Variants in THSD4 observed in about 807,000 individuals in gnomAD.
THSD4 encodes thrombospondin type 1 domain containing 4, also known as thrombospondin type-1 domain-containing protein 4.
Under a neutral mutation model 119.0 loss-of-function variants are expected in THSD4, and 69 were observed. The observed-to-expected ratio is 0.58, with a 90% CI of 0.48 to 0.71. The LOEUF (loss-of-function observed/expected upper bound fraction) is 0.71. Among genes scored for constraint, THSD4 ranks in the 30% least tolerant of loss-of-function variants. THSD4 has a pLI of 0.00. For synonymous variants in THSD4, 524 were observed against 540.4 expected (o/e 0.97, Z 0.42); for missense variants, 1,393 against 1,391.1 (o/e 1.00, Z -0.02).
chr15:71,503,590 C>G (rs976512429), intron 7 of THSD4, among the ~76,000 whole-genome samples: 27 of 152,174 alleles, frequency 1.8e-4, no homozygotes, highest in Non-Finnish European at 5.9e-5. Context: ...AAAGCCTTGA[C>G]TAGCAGAATT....
At chr15:71,510,730 A>G (rs551693429) in intron 7 of THSD4, among the ~76,000 whole-genome samples, 1 of 152,322 alleles carries the variant, frequency 6.6e-6, no homozygotes, top group Admixed American at 6.5e-5. Flanking sequence ...ACCTTAACTC[A>G]CCTGTAGTCT....
intron 3 of THSD4, among the ~76,000 whole-genome samples, chr15:71,177,501 T>C (rs368820384): frequency 3.3e-3 from 11 of 3,344 alleles, no homozygotes; most frequent in Non-Finnish European, 4.6e-3. Context: ...TAATCAATAG[T>C]TTACCAACCA....
intron 5 of THSD4, among the ~76,000 whole-genome samples, chr15:71,245,015 G>T (rs573574791): frequency 2.2e-4 from 34 of 152,308 alleles, no homozygotes; most frequent in African/African-American, 7.7e-4. Flanking sequence ...CAACGGCAGG[G>T]TTGTTCTCCC....
At chr15:71,580,053 T>C (rs1307164575) in intron 7 of THSD4, among the ~76,000 whole-genome samples, 1 of 152,096 alleles carries the variant, frequency 6.6e-6, no homozygotes, top group African/African-American at 2.4e-5. Flanking sequence ...CTTAAGAAAT[T>C]TGTGCTTTCC....
intron 7 of THSD4, among the ~76,000 whole-genome samples, chr15:71,470,796 C>A (rs1420285432): frequency 6.6e-6 from 1 of 151,724 alleles, no homozygotes; most frequent in African/African-American, 2.4e-5. Flanking sequence ...CCACCGCGCC[C>A]GGCTAATTTT....
chr15:71,185,074 A>G (rs1475415784), intron 3 of THSD4, among the ~76,000 whole-genome samples: 1 of 151,796 alleles, frequency 6.6e-6, no homozygotes, highest in African/African-American at 2.4e-5. Flanking sequence ...CCCATTGGCC[A>G]CAGAGTTTAC....
Position 71,782,917 on chromosome 15 carries a change from T to C in THSD4, c.*5543T>C, listed in dbSNP as rs1259454484. On this transcript the variant is annotated 3_prime_UTR_variant, in exon 18 of 18. Transcript: ENST00000261862. ...CCCGTTGTTAGACTGGCAGCGTCAG[T>C]TGCTCGGTGGGCTTGGTTAGAGCCG... 6.6e-6 allele frequency: 1 copy of C among 152,272 alleles called. No homozygotes were observed. The highest frequency in any genetic ancestry group is 1.5e-5 in the Non-Finnish European group (1 of 68,048). 9.4% of individuals were successfully genotyped at this position (152,272 alleles called of 1,614,324 possible). A position where few individuals can be genotyped will look rare whatever the true frequency, so the allele number is the denominator to read the frequency against.
At chr15:71,369,406 T>C (rs942906606) in intron 6 of THSD4, among the ~76,000 whole-genome samples, 2 of 152,218 alleles carry the variant, frequency 1.3e-5, no homozygotes, top group African/African-American at 4.8e-5. Context: ...CAGTCTGATA[T>C]TGGCTGTGGG....
Position 71,599,272 on chromosome 15 carries a change from T to G in THSD4, c.1153-61258T>G, listed in dbSNP as rs145211607. On this transcript the variant is annotated intron_variant, in intron 7 of 17. Transcript: ENST00000261862. The stretch of plus-strand genomic sequence containing the variant: ...AGTATATACAAGATAAATATTTGAT[T>G]GATTTGCTGTATTTTTTTTCCATCC... Among the ~76,000 whole-genome samples, 742 of 152,306 alleles carry G rather than the reference T, an allele frequency of 4.9e-3. 4 individuals are homozygous for G. The highest frequency in any genetic ancestry group is 0.017 in the African/African-American group (714 of 41,564).
At chr15:71,256,553 G>A (rs1455303618) in intron 5 of THSD4, 60 bp from the exon 6 acceptor site, 5 of 1,340,470 alleles carry the variant, frequency 3.7e-6, no homozygotes, top group Admixed American at 4.2e-5. Flanking sequence ...GTTTGGAAAT[G>A]TATCCTGGAG....
intron 1 of THSD4, among the ~76,000 whole-genome samples, chr15:71,138,098 A>T (rs571720975): frequency 1.3e-5 from 2 of 152,184 alleles, no homozygotes; most frequent in Admixed American, 1.3e-4. Context: ...ATAAAGATCT[A>T]CCCAAGACTG....
At position 71,643,155 on chromosome 15, in the gene THSD4, G is replaced by GCC. The variant is rs571651825; in HGVS notation, c.1153-17373_1153-17372dup. Reference sequence around the variant, plus strand: ...TTAAATAGTAAAACATTTTTAAAGTGCCCATGCATATGCTAAATCATCTGG... The same window carrying GCC: ...TTAAATAGTAAAACATTTTTAAAGTGCCCCCATGCATATGCTAAATCATCTGG... On this transcript the variant is annotated intron_variant, in intron 7 of 17. Coordinates refer to ENST00000261862, the MANE Select transcript of THSD4 (RefSeq NM_024817.3). Among the ~76,000 whole-genome samples, 46 of 152,042 alleles carry GCC rather than the reference G, an allele frequency of 3.0e-4. No individual in the cohort carries two copies. In the South Asian group the frequency reaches 9.4e-3, roughly 31 times the overall value.
intron 6 of THSD4, among the ~76,000 whole-genome samples, chr15:71,382,787 A>G (rs887436215): frequency 6.6e-6 from 1 of 152,160 alleles, no homozygotes; most frequent in Non-Finnish European, 1.5e-5. Context: ...TCATAACACA[A>G]TTTTTTATGT....
At chr15:71,434,505 A>G (rs1244935721) in intron 7 of THSD4, among the ~76,000 whole-genome samples, 1 of 134,494 alleles carries the variant, frequency 7.4e-6, no homozygotes, top group African/African-American at 2.8e-5. Flanking sequence ...TCTCCTCTAG[A>G]TCTCTTCATG....
intron 1 of THSD4, among the ~76,000 whole-genome samples, chr15:71,101,520 T>C (rs2040253472): frequency 6.6e-6 from 1 of 152,192 alleles, no homozygotes; most frequent in South Asian, 2.1e-4. Flanking sequence ...GTTGCTCTTA[T>C]TTCATTACTA....
chr15:71,423,222 C>CCTTGACAAAGTCT (rs2046830498), intron 7 of THSD4, among the ~76,000 whole-genome samples: 1 of 151,944 alleles, frequency 6.6e-6, no homozygotes, highest in Admixed American at 6.6e-5. Flanking sequence ...AGACAAAGTC[C>CCTTGACAAAGTCT]CCTTTACTCT....
At chr15:71,115,234 C>G (rs2040346765), upstream of THSD4, 3 of 152,862 alleles carry the variant, frequency 2.0e-5, no homozygotes, top group Admixed American at 2.0e-4. This position sits in a 1 kb window ranked among gnomAD's most constrained non-coding sequence, Gnocchi z 4.4. Context: ...CCACTCTCGC[C>G]CCCTCCCGCC....
At chr15:71,526,961 G>A (rs1274772533) in intron 7 of THSD4, among the ~76,000 whole-genome samples, 1 of 152,016 alleles carries the variant, frequency 6.6e-6, no homozygotes, top group East Asian at 1.9e-4. Context: ...CCATTGCCTT[G>A]GTCTGAATCT....
chr15:71,342,818 C>T (rs1287227531), intron 6 of THSD4: 2 of 152,210 alleles, frequency 1.3e-5, no homozygotes, highest in African/African-American at 2.4e-5. Flanking sequence ...TCTTTTGAGG[C>T]TGTGTGTGCC....
Sources: gnomAD v4.1 joint callset for allele counts (sites outside exome capture counted in the v4.1 genomes callset) on GRCh38, gnomAD v4.1.1 for gene constraint, Gnocchi (gnomAD v3.1) non-coding constraint, MANE v1.5 for transcripts, NCBI Gene and HGNC (gene_info 2026-07-23, HGNC 2026-07-21) for gene names.